The following BAZ1A variants were observed in gnomAD, a reference collection of about 807,000 sequenced individuals.
BAZ1A encodes the protein bromodomain adjacent to zinc finger domain protein 1A.
Under a neutral mutation model 185.2 loss-of-function variants are expected in BAZ1A, and 50 were observed. The ratio of observed to expected loss-of-function variants is 0.27; its 90% CI spans 0.22 to 0.34. BAZ1A has a LOEUF of 0.34. Among genes scored for constraint, BAZ1A ranks in the 10% least tolerant of loss-of-function variants. The probability of loss-of-function intolerance (pLI) is 1.00; values close to 1 mark genes in which losing one functional copy is unlikely to be tolerated. For missense variants in BAZ1A, 1,356 were observed against 1,839.9 expected, an observed-to-expected ratio of 0.74 and a Z score of 4.81; for synonymous variants, 571 against 615.6, an observed-to-expected ratio of 0.93 and a Z score of 1.07.
intron 24 of BAZ1A, among the ~76,000 whole-genome samples, chr14:34,761,521 C>A (rs1461826725): frequency 6.6e-6 from 1 of 152,144 alleles, no homozygotes; most frequent in African/African-American, 2.4e-5. Flanking sequence ...CCATTAAAAA[C>A]AGAACGTCAT....
chr14:34,753,845 A>C, intron 26 of BAZ1A, 141 bp from the exon 27 acceptor site: 1 of 673,142 alleles, frequency 1.5e-6, no homozygotes. Context: ...CTGGCTAGGC[A>C]TGGTGGCTCA....
chr14:34,754,235 G>C (rs1020842276), intron 26 of BAZ1A, among the ~76,000 whole-genome samples: 2 of 142,970 alleles, frequency 1.4e-5, no homozygotes, highest in Non-Finnish European at 3.0e-5. Context: ...CTGGGCCACA[G>C]AGCAAGACTC....
chr14:34,785,856 A>G lies in BAZ1A; in HGVS notation c.1752T>C (p.Asp584=). The G allele has an allele frequency of 1.2e-6, 2 of 1,614,122 alleles. No individual in the cohort carries two copies. Among genetic ancestry groups the G allele is most frequent in the Non-Finnish European group, 1.7e-6 (2 of 1,180,024 alleles). Residue 584 remains aspartate, a synonymous_variant, in exon 14 of 27, where the codon GAT becomes GAC. Coordinates refer to ENST00000360310, the MANE Select transcript of BAZ1A (RefSeq NM_013448.3). The stretch of plus-strand genomic sequence containing the variant: ...TGCTCAAACGAAGCTCCATACAAGC[A>G]TCATCTGTAGCATCAAATCCTCCTC... The part of the protein sequence containing the change: ...QKRGGFDATD[D]ACMELRLSNP...
At chr14:34,843,348 G>A (rs2042447476) in intron 3 of BAZ1A, among the ~76,000 whole-genome samples, 1 of 152,286 alleles carries the variant, frequency 6.6e-6, no homozygotes, top group East Asian at 1.9e-4. Context: ...AGCACGCTGA[G>A]GCTTGTACTT....
rs1269891372 is a variant in BAZ1A at position 34,752,996 on chromosome 14, A to ACTT, written c.*509_*511dup. 6.5e-6 allele frequency: 1 copy of ACTT among 152,728 alleles called. No homozygotes were observed. The highest frequency in any genetic ancestry group is 2.4e-5 in the African/African-American group (1 of 41,460). The allele number at this position is 152,728 out of a possible 1,614,324, so 9.5% of individuals were successfully genotyped here. ...ATAAATATCTAGTTAATAAACTTGG[A>ACTT]CTTAATACCTGCAGCCAGCACTGGT... On this transcript the variant is annotated 3_prime_UTR_variant, in exon 27 of 27. Transcript: ENST00000360310.
At chr14:34,788,028 T>C (rs189148512) in intron 12 of BAZ1A, among the ~76,000 whole-genome samples, 1 of 152,156 alleles carries the variant, frequency 6.6e-6, no homozygotes, top group African/African-American at 2.4e-5. Flanking sequence ...TTTTTGTTTT[T>C]TTTTTTTGAA....
intron 25 of BAZ1A, among the ~76,000 whole-genome samples, chr14:34,756,466 A>ATTTTTTTTT (rs1158606061): frequency 1.3e-5 from 1 of 79,016 alleles, no homozygotes; most frequent in Non-Finnish European, 2.3e-5. Context: ...CAGAATACCT[A>ATTTTTTTTT]TTTTTTTTTT....
At chr14:34,817,799 C>T (rs2042029252) in intron 4 of BAZ1A, among the ~76,000 whole-genome samples, 1 of 152,142 alleles carries the variant, frequency 6.6e-6, no homozygotes, top group Non-Finnish European at 1.5e-5. Flanking sequence ...CCATTTTACA[C>T]CCGATAAGGA....
At chr14:34,775,108 T>C (rs1406685250) in intron 18 of BAZ1A, among the ~76,000 whole-genome samples, 2 of 151,492 alleles carry the variant, frequency 1.3e-5, no homozygotes. Context: ...CCCAGCTACT[T>C]GGGAGGCTGA....
intron 3 of BAZ1A, among the ~76,000 whole-genome samples, chr14:34,856,537 T>C (rs1006133286): frequency 6.6e-6 from 1 of 151,984 alleles, no homozygotes; most frequent in African/African-American, 2.4e-5. Flanking sequence ...AACCCCAATA[T>C]ACCCAGCCCA....
chr14:34,817,729 C>T (rs982882241), intron 4 of BAZ1A, among the ~76,000 whole-genome samples: 1 of 152,134 alleles, frequency 6.6e-6, no homozygotes, highest in South Asian at 2.1e-4. Flanking sequence ...GCCATAAGCA[C>T]ATGAAATGAT....
At chr14:34,795,951 C>A (rs553079759) in intron 9 of BAZ1A, among the ~76,000 whole-genome samples, 186 bp from the exon 10 acceptor site, 2 of 152,004 alleles carry the variant, frequency 1.3e-5, no homozygotes, top group African/African-American at 2.4e-5. Context: ...TTTTAATACA[C>A]GCTAAAGTTT....
chr14:34,787,836 C>T (rs540458538), intron 12 of BAZ1A, among the ~76,000 whole-genome samples: 10 of 152,244 alleles, frequency 6.6e-5, no homozygotes, highest in African/African-American at 2.2e-4. Context: ...TTATCATATC[C>T]AATTATTCCT....
chr14:34,819,293 T>C (rs1225470897), intron 4 of BAZ1A, among the ~76,000 whole-genome samples: 1 of 152,144 alleles, frequency 6.6e-6, no homozygotes, highest in Non-Finnish European at 1.5e-5. Context: ...CCCATGGATA[T>C]GGGAGCACTA....
intron 4 of BAZ1A, among the ~76,000 whole-genome samples, chr14:34,814,560 C>T (rs2041977907): frequency 6.6e-6 from 1 of 152,112 alleles, no homozygotes; most frequent in Non-Finnish European, 1.5e-5. Flanking sequence ...CTTCAACCTC[C>T]CAGGCTCAAG....
intron 9 of BAZ1A, among the ~76,000 whole-genome samples, chr14:34,797,443 C>T (rs1881259093): frequency 6.6e-6 from 1 of 152,008 alleles, no homozygotes; most frequent in South Asian, 2.1e-4. Flanking sequence ...CTTCTAGTCC[C>T]AGCCACTCGG....
chr14:34,870,150 A>C (rs2042928029), intron 2 of BAZ1A, among the ~76,000 whole-genome samples: 1 of 152,248 alleles, frequency 6.6e-6, no homozygotes, highest in South Asian at 2.1e-4. Flanking sequence ...ACAATATTGC[A>C]GTAACTGATC....
At chr14:34,851,044 G>A (rs935063057) in intron 3 of BAZ1A, among the ~76,000 whole-genome samples, 2 of 151,992 alleles carry the variant, frequency 1.3e-5, no homozygotes, top group East Asian at 1.9e-4. Context: ...AAAAAGGTCC[G>A]AAAATGGCTA....
At chr14:34,773,787 T>C in intron 19 of BAZ1A, 61 bp from the exon 20 acceptor site, 2 of 1,487,716 alleles carry the variant, frequency 1.3e-6, no homozygotes, top group South Asian at 2.3e-5. Flanking sequence ...CTGAGAGGTA[T>C]GAAGTTCAAT....
Sources: gnomAD v4.1 joint callset for allele counts (sites outside exome capture counted in the v4.1 genomes callset) on GRCh38, gnomAD v4.1.1 for gene constraint, MANE v1.5 for transcripts, NCBI Gene and HGNC (gene_info 2026-07-23, HGNC 2026-07-21) for gene names.